The following SCN11A variants were observed in gnomAD, a reference collection of about 807,000 sequenced individuals.
The protein encoded by SCN11A is sodium channel protein type 11 subunit alpha.
SCN11A carries 122 observed loss-of-function variants against 162.2 expected under a neutral mutation model. The observed-to-expected ratio is 0.75, with a 90% CI of 0.65 to 0.87. The LOEUF (loss-of-function observed/expected upper bound fraction) is 0.87, where lower values mean the gene tolerates loss of function less well. Ranked by LOEUF, SCN11A falls within the 40% of genes least tolerant of loss-of-function variation. The probability of loss-of-function intolerance (pLI) is 0.00; values close to 1 mark genes in which losing one functional copy is unlikely to be tolerated. For synonymous variants in SCN11A, 758 were observed against 751.5 expected (o/e 1.01, Z -0.14); for missense variants, 2,015 against 2,181.6 (o/e 0.92, Z 1.52).
intron 2 of SCN11A, among the ~76,000 whole-genome samples, chr3:38,993,399 TTA>T (rs776262747): frequency 3.4e-4 from 52 of 152,250 alleles, no homozygotes; most frequent in Admixed American, 1.4e-3. Flanking sequence ...CTCGGCCAGG[TTA>T]TGTCGTATAG....
At chr3:39,046,693 AC>A (rs1409646679) in intron 1 of SCN11A, among the ~76,000 whole-genome samples, 1 of 152,058 alleles carries the variant, frequency 6.6e-6, no homozygotes, top group Non-Finnish European at 1.5e-5. Context: ...AGAATAGAGA[AC>A]CCAGAAATAA....
intron 2 of SCN11A, among the ~76,000 whole-genome samples, chr3:39,028,346 C>T (rs1028965520): frequency 4.6e-5 from 7 of 152,202 alleles, no homozygotes; most frequent in African/African-American, 1.7e-4. Flanking sequence ...ACCCCTCTTC[C>T]CATGTTCTGA....
intron 2 of SCN11A, among the ~76,000 whole-genome samples, chr3:39,018,909 T>G (rs1011540327): frequency 1.3e-5 from 2 of 152,184 alleles, no homozygotes; most frequent in Non-Finnish European, 2.9e-5. Flanking sequence ...GTGGGGGAGA[T>G]CTGATCTAGC....
chr3:38,903,671 A>C (rs2065739873), intron 16 of SCN11A, among the ~76,000 whole-genome samples, 194 bp downstream of exon 16: 1 of 152,122 alleles, frequency 6.6e-6, no homozygotes, highest in East Asian at 1.9e-4. Context: ...CAGAGGGCCA[A>C]CTCAGGACAC....
chr3:39,031,536 AAC>A (rs199838442), intron 2 of SCN11A, among the ~76,000 whole-genome samples: 10,057 of 149,312 alleles, frequency 0.067, 1,099 homozygotes, highest in African/African-American at 0.23. Flanking sequence ...ACAAAAAACA[AAC>A]AAACAAAAAA....
rs182424263 is a variant in SCN11A, at chr3:38,971,225, G to A, written c.-279-10802C>T. Among the ~76,000 whole-genome samples, 711 of 151,866 alleles carry A rather than the reference G, an allele frequency of 4.7e-3. 3 individuals are homozygous for A. The highest frequency in any genetic ancestry group is 6.8e-3 in the Middle Eastern group (2 of 292). ...GTTGGAGCTCAGTGGCATAATCATA[G>A]CTCCCCGCAGCCTTGACCTCCTGGG... On this transcript the variant is annotated intron_variant, in intron 2 of 29. Coordinates refer to ENST00000302328, the MANE Select transcript of SCN11A (RefSeq NM_001349253.2).
chr3:38,942,876 TG>T (rs1358783568), intron 7 of SCN11A, among the ~76,000 whole-genome samples: 1 of 152,182 alleles, frequency 6.6e-6, no homozygotes, highest in Non-Finnish European at 1.5e-5. Flanking sequence ...CTGATATGAA[TG>T]TAAAATTATG....
chr3:39,012,584 AATTCT>A (rs2031177639), intron 2 of SCN11A, among the ~76,000 whole-genome samples: 1 of 150,646 alleles, frequency 6.6e-6, no homozygotes, highest in Non-Finnish European at 1.5e-5. Flanking sequence ...AGGTTCAAGC[AATTCT>A]CCTGCCTCAG....
chr3:38,900,014 G>A lies in SCN11A; in HGVS notation c.1902C>T (p.Tyr634=), dbSNP rs761988355. ...TGTTCCAGCCTCGGCGAAAGTAGTG[G>A]TAGGGATCGAGCGCAATGATTTTTA... ...MCLKIIALDP[Y]HYFRRGWNIF... Residue 634 remains tyrosine, a synonymous_variant, in exon 17 of 30, where the codon TAC becomes TAT. Transcript: ENST00000302328. 1.2e-6 allele frequency: 2 copies of A among 1,614,092 alleles called. No individual in the cohort carries two copies. Among genetic ancestry groups the A allele is most frequent in the Non-Finnish European group, 1.7e-6 (2 of 1,179,992 alleles).
Position 38,860,072 on chromosome 3 carries a change from C to G in SCN11A, c.4056+3123G>C, listed in dbSNP as rs544754455. 2.0e-4 allele frequency among the ~76,000 whole-genome samples: 31 copies of G among 152,108 alleles called. No individual in the cohort carries two copies. In the South Asian group the frequency reaches 5.2e-3, roughly 26 times the overall value. ...GCCTCAACCAGTTCTGCCATTCCAC[C>G]CAGGAACAGAAGATAGCAAGAAAAC... is the stretch of plus-strand genomic sequence containing the variant. On this transcript the variant is annotated intron_variant, in intron 28 of 29. Transcript: ENST00000302328.
chr3:38,897,628 A>G (rs1305536622), intron 17 of SCN11A, among the ~76,000 whole-genome samples: 1 of 151,892 alleles, frequency 6.6e-6, no homozygotes, highest in Non-Finnish European at 1.5e-5. Context: ...AGGCAGGGGA[A>G]TCGCTTGAAC....
chr3:39,018,118 T>G (rs1325924518), intron 2 of SCN11A, among the ~76,000 whole-genome samples: 1 of 152,254 alleles, frequency 6.6e-6, no homozygotes, highest in Non-Finnish European at 1.5e-5. Context: ...GACTACCCAG[T>G]GCCCTGGCTG....
At chr3:38,871,281 G>A (rs1228725990) in intron 25 of SCN11A, among the ~76,000 whole-genome samples, 164 bp downstream of exon 25, 1 of 152,202 alleles carries the variant, frequency 6.6e-6, no homozygotes, top group Non-Finnish European at 1.5e-5. Flanking sequence ...AGTTGCAGAT[G>A]CTCAGTAGAG....
At chr3:38,978,884 AG>A (rs1239044450) in intron 2 of SCN11A, among the ~76,000 whole-genome samples, 2 of 152,084 alleles carry the variant, frequency 1.3e-5, no homozygotes, top group Non-Finnish European at 2.9e-5. Context: ...TCACTGCCAC[AG>A]GGTATTTGCA....
intron 2 of SCN11A, among the ~76,000 whole-genome samples, chr3:39,015,454 C>T (rs1434850702): frequency 1.3e-5 from 2 of 152,316 alleles, no homozygotes; most frequent in East Asian, 3.9e-4. Context: ...AAGAGACTGA[C>T]TTATGGCCAT....
At chr3:38,867,169 T>C (rs1386535424) in intron 27 of SCN11A, 152 bp downstream of exon 27, 1 of 645,712 alleles carries the variant, frequency 1.5e-6, no homozygotes, top group Non-Finnish European at 2.6e-6. Flanking sequence ...TCTTTGAGGA[T>C]CATCTCCAGG....
At chr3:39,046,546 C>T (rs1233741961) in intron 1 of SCN11A, among the ~76,000 whole-genome samples, 1 of 151,994 alleles carries the variant, frequency 6.6e-6, no homozygotes, top group East Asian at 1.9e-4. Context: ...ACAAACGACC[C>T]CAAATAGCCA....
intron 23 of SCN11A, among the ~76,000 whole-genome samples, chr3:38,873,991 A>AAACAGTACACTGGACAGTATTATGCAC (rs1305014759): frequency 8.5e-5 from 13 of 152,150 alleles, no homozygotes; most frequent in Non-Finnish European, 1.6e-4. Flanking sequence ...CTATTATGCA[A>AAACAGTACACTGGACAGTATTATGCAC]AACAGTACAC....
intron 2 of SCN11A, among the ~76,000 whole-genome samples, chr3:39,023,033 A>G (rs2031492564): frequency 6.6e-6 from 1 of 152,240 alleles, no homozygotes; most frequent in African/African-American, 2.4e-5. Flanking sequence ...ACAAATTTTT[A>G]ATTTTTAAAA....
Sources: gnomAD v4.1 joint callset for allele counts (sites outside exome capture counted in the v4.1 genomes callset) on GRCh38, gnomAD v4.1.1 for gene constraint, MANE v1.5 for transcripts, NCBI Gene and HGNC (gene_info 2026-07-23, HGNC 2026-07-21) for gene names.